PPM1E: variants seen among roughly 807,000 people sequenced by gnomAD.
The protein encoded by PPM1E is protein phosphatase 1E.
In PPM1E, 20 loss-of-function variants were observed where a neutral mutation model predicts 65.9. The ratio of observed to expected loss-of-function variants is 0.30; its 90% CI spans 0.21 to 0.44. PPM1E has a LOEUF of 0.44. Among genes scored for constraint, PPM1E ranks in the 20% least tolerant of loss-of-function variants. The pLI, the probability that PPM1E is intolerant of heterozygous loss-of-function variation, is 1.00. For synonymous variants in PPM1E, 352 were observed against 374.9 expected, an observed-to-expected ratio of 0.94 and a Z score of 0.70; for missense variants, 713 against 953.1, an observed-to-expected ratio of 0.75 and a Z score of 3.32.
At chr17:58,830,647 T>C (rs1408539972) in intron 1 of PPM1E, among the ~76,000 whole-genome samples, 2 of 152,058 alleles carry the variant, frequency 1.3e-5, no homozygotes, top group Admixed American at 1.3e-4. Flanking sequence ...TTCTGATTCC[T>C]GAACCTATTT....
intron 1 of PPM1E, among the ~76,000 whole-genome samples, chr17:58,774,304 A>G (rs979160527): frequency 6.6e-6 from 1 of 152,186 alleles, no homozygotes; most frequent in Non-Finnish European, 1.5e-5. Flanking sequence ...AATTATAAAC[A>G]TTAGTACATG....
chr17:58,839,429 T>G (rs1377080290), intron 1 of PPM1E, among the ~76,000 whole-genome samples: 1 of 152,088 alleles, frequency 6.6e-6, no homozygotes, highest in African/African-American at 2.4e-5. Context: ...TACAAATATA[T>G]GAAACAACCT....
chr17:58,914,279 A>G (rs1250261081), intron 1 of PPM1E, among the ~76,000 whole-genome samples: 2 of 152,196 alleles, frequency 1.3e-5, no homozygotes, highest in African/African-American at 4.8e-5. Flanking sequence ...TGTTAACTAC[A>G]TTCCAGACTT....
intron 1 of PPM1E, among the ~76,000 whole-genome samples, chr17:58,942,671 T>G (rs1285122098): frequency 2.6e-5 from 4 of 152,112 alleles, no homozygotes; most frequent in Non-Finnish European, 4.4e-5. Context: ...GTCTGTTCTT[T>G]AAGATTTGTG....
chr17:58,924,517 C>T (rs1207827368), intron 1 of PPM1E, among the ~76,000 whole-genome samples: 1 of 152,082 alleles, frequency 6.6e-6, no homozygotes, highest in East Asian at 1.9e-4. Flanking sequence ...CACCACTGCA[C>T]TCTAACCTGG....
intron 1 of PPM1E, among the ~76,000 whole-genome samples, chr17:58,874,395 C>T (rs1369645290): frequency 6.6e-6 from 1 of 152,080 alleles, no homozygotes; most frequent in African/African-American, 2.4e-5. Context: ...TAATCTCTCA[C>T]TACTGAAGAA....
intron 1 of PPM1E, among the ~76,000 whole-genome samples, chr17:58,954,423 C>G (rs1468512502): frequency 1.3e-5 from 2 of 152,128 alleles, no homozygotes; most frequent in African/African-American, 4.8e-5. Flanking sequence ...ATTCTTATTA[C>G]CCTTTGAAAA....
chr17:58,806,010 A>G (rs185847273), intron 1 of PPM1E, among the ~76,000 whole-genome samples: 15 of 145,216 alleles, frequency 1.0e-4, no homozygotes, highest in Admixed American at 8.2e-4. Context: ...CAAAAAAAAA[A>G]CTATATGTAG....
At chr17:58,805,476 C>G (rs1255995382) in intron 1 of PPM1E, among the ~76,000 whole-genome samples, 1 of 152,134 alleles carries the variant, frequency 6.6e-6, no homozygotes, top group Non-Finnish European at 1.5e-5. Flanking sequence ...TCTCAAACTC[C>G]TGACCTCAGG....
chr17:58,891,497 AT>A (rs1264274784), intron 1 of PPM1E, among the ~76,000 whole-genome samples: 1 of 151,268 alleles, frequency 6.6e-6, no homozygotes, highest in African/African-American at 2.4e-5. Flanking sequence ...TAATTTTTGT[AT>A]TTTTTTAGTA....
intron 1 of PPM1E, among the ~76,000 whole-genome samples, chr17:58,876,942 C>A (rs1417643831): frequency 6.6e-6 from 1 of 151,872 alleles, no homozygotes; most frequent in Admixed American, 6.6e-5. Flanking sequence ...CGCCACCACG[C>A]CCAGCTAATT....
intron 1 of PPM1E, among the ~76,000 whole-genome samples, chr17:58,826,123 T>C (rs1322300593): frequency 1.3e-5 from 2 of 151,394 alleles, no homozygotes; most frequent in Admixed American, 1.3e-4. Flanking sequence ...ACCCCGTCTC[T>C]ACTAAAAATA....
chr17:58,894,733 T>C (rs146393915), intron 1 of PPM1E, among the ~76,000 whole-genome samples: 117 of 152,272 alleles, frequency 7.7e-4, no homozygotes, highest in African/African-American at 2.6e-3. Context: ...ATTAAACCAT[T>C]ATAATTGTTT....
chr17:58,963,365 C>T (rs1297530297), intron 2 of PPM1E, among the ~76,000 whole-genome samples: 1 of 143,306 alleles, frequency 7.0e-6, no homozygotes. Flanking sequence ...CCAGCCTGGG[C>T]GACAAGAGTG....
chr17:58,971,078 GC>G (rs1244306383), intron 4 of PPM1E, among the ~76,000 whole-genome samples: 1 of 152,106 alleles, frequency 6.6e-6, no homozygotes, highest in East Asian at 1.9e-4. Flanking sequence ...TTGTCTCAGC[GC>G]CCCTTTTCTC....
At chr17:58,841,594 T>G (rs913166594) in intron 1 of PPM1E, among the ~76,000 whole-genome samples, 1 of 151,694 alleles carries the variant, frequency 6.6e-6, no homozygotes. Context: ...GGTGCAATCT[T>G]GACTCACTGC....
intron 4 of PPM1E, among the ~76,000 whole-genome samples, chr17:58,971,592 G>T (rs1167643988): frequency 6.6e-6 from 1 of 152,172 alleles, no homozygotes; most frequent in Non-Finnish European, 1.5e-5. Flanking sequence ...GTACTCCAGG[G>T]AACGTAAGCT....
Position 58,955,726 on chromosome 17 carries a change from A to G in PPM1E, c.542A>G (p.His181Arg). ...GTCCTTCAGAGTGATCTTTCTGCAC[A>G]TTATATCCCAAAGGAAACGGATGGC... ...DEVLQSDLSA[H>R]YIPKETDGTE... The change falls in exon 2 of 7, where the codon CAT becomes CGT. Residue 181 changes from histidine to arginine, a missense_variant. Physicochemically the swap from His to Arg is conservative, Grantham distance 29 (BLOSUM62 0). Coordinates refer to ENST00000308249, the MANE Select transcript of PPM1E (RefSeq NM_014906.5). 4 of 1,612,464 alleles carry G rather than the reference A, an allele frequency of 2.5e-6. No homozygotes were observed. Among genetic ancestry groups the G allele is most frequent in the South Asian group, 1.1e-5 (1 of 90,322 alleles).
intron 2 of PPM1E, among the ~76,000 whole-genome samples, chr17:58,960,111 C>G (rs2143657191): frequency 6.6e-6 from 1 of 152,248 alleles, no homozygotes; most frequent in South Asian, 2.1e-4. Flanking sequence ...CAGGTAGATT[C>G]AAGGCATCAA....
Sources: allele counts gnomAD v4.1 joint callset (sites outside exome capture counted in the v4.1 genomes callset), GRCh38; gene constraint gnomAD v4.1.1; transcripts MANE v1.5; gene names NCBI Gene and HGNC (gene_info 2026-07-23, HGNC 2026-07-21).